The following ALK variants were observed in gnomAD, a reference collection of about 807,000 sequenced individuals.
ALK encodes ALK tyrosine kinase receptor.
Under a neutral mutation model 163.1 loss-of-function variants are expected in ALK, and 74 were observed. The ratio of observed to expected loss-of-function variants is 0.45; its 90% CI spans 0.38 to 0.55. The LOEUF (loss-of-function observed/expected upper bound fraction) is 0.55. Ranked by LOEUF, ALK falls within the 20% of genes least tolerant of loss-of-function variation. The pLI, the probability that ALK is intolerant of heterozygous loss-of-function variation, is 0.00. For missense variants in ALK, 2,063 were observed against 2,105.3 expected (o/e 0.98, Z 0.39); for synonymous variants, 960 against 843.2 (o/e 1.14, Z -2.40).
At chr2:29,507,674 T>C (rs554244375) in intron 4 of ALK, among the ~76,000 whole-genome samples, 1 of 152,324 alleles carries the variant, frequency 6.6e-6, no homozygotes, top group African/African-American at 2.4e-5. Flanking sequence ...GGATAGCACC[T>C]GGGGTTTAGG....
intron 1 of ALK, among the ~76,000 whole-genome samples, chr2:29,835,647 T>C (rs1159661374): frequency 6.6e-6 from 1 of 152,184 alleles, no homozygotes; most frequent in Non-Finnish European, 1.5e-5. Flanking sequence ...TCTTGAATGG[T>C]AGCTCGCATA....
At chr2:29,461,432 G>A (rs11686068) in intron 4 of ALK, among the ~76,000 whole-genome samples, 10,584 of 152,250 alleles carry the variant, frequency 0.07, 513 homozygotes, top group Non-Finnish European at 0.11. Context: ...TAAAAGGACA[G>A]TCTGACTCTT....
intron 3 of ALK, among the ~76,000 whole-genome samples, chr2:29,685,090 C>A (rs1197200725): frequency 4.6e-5 from 7 of 152,190 alleles, no homozygotes; most frequent in Admixed American, 4.6e-4. Flanking sequence ...TCAATTGTGA[C>A]TGTGGCTGGA....
chr2:29,223,076 G>C (rs1669851070), intron 20 of ALK, among the ~76,000 whole-genome samples: 1 of 152,174 alleles, frequency 6.6e-6, no homozygotes, highest in African/African-American at 2.4e-5. Context: ...AGGGGAGCCA[G>C]GTAGACTTGG....
chr2:29,266,429 A>T (rs572677972), intron 11 of ALK, among the ~76,000 whole-genome samples: 15 of 152,382 alleles, frequency 9.8e-5, no homozygotes, highest in Middle Eastern at 3.4e-3. Flanking sequence ...CTGAATATTT[A>T]TAGAAGGCAA....
chr2:29,451,316 A>G (rs73923633), intron 4 of ALK, among the ~76,000 whole-genome samples: 6,089 of 152,186 alleles, frequency 0.04, 349 homozygotes, highest in African/African-American at 0.13. Context: ...ATCTTTCTTA[A>G]GCACAACTTC....
chr2:29,777,838 T>G (rs751451622), intron 1 of ALK, among the ~76,000 whole-genome samples: 7 of 152,224 alleles, frequency 4.6e-5, no homozygotes, highest in Non-Finnish European at 8.8e-5. Flanking sequence ...TAGCTCTGAC[T>G]GCCCAAGCCT....
At chr2:29,366,844 CA>C (rs1392955547) in intron 5 of ALK, among the ~76,000 whole-genome samples, 6 of 152,182 alleles carry the variant, frequency 3.9e-5, no homozygotes, top group Admixed American at 3.9e-4. Flanking sequence ...AGCTGTTTGC[CA>C]TTGACGGAAA....
chr2:29,738,186 T>C (rs1484818940), intron 1 of ALK, among the ~76,000 whole-genome samples: 1 of 152,008 alleles, frequency 6.6e-6, no homozygotes, highest in Non-Finnish European at 1.5e-5. Flanking sequence ...GTTCTTGAAC[T>C]GTAACTAGGT....
chr2:29,428,928 T>C (rs1282819906), intron 4 of ALK, among the ~76,000 whole-genome samples: 2 of 152,032 alleles, frequency 1.3e-5, no homozygotes, highest in African/African-American at 4.8e-5. Flanking sequence ...CCAATTAGGC[T>C]TTATTACAAG....
chr2:29,728,772 A>G (rs1294825813), intron 1 of ALK, among the ~76,000 whole-genome samples: 1 of 152,152 alleles, frequency 6.6e-6, no homozygotes, highest in Non-Finnish European at 1.5e-5. Context: ...CCACCAAGAA[A>G]AGTGAGGCAT....
intron 3 of ALK, among the ~76,000 whole-genome samples, chr2:29,599,359 C>A (rs1376871416): frequency 6.6e-6 from 1 of 152,148 alleles, no homozygotes; most frequent in Non-Finnish European, 1.5e-5. Context: ...AACTAACTGC[C>A]AGGAGTAGGA....
chr2:29,293,204 C>T (rs1666085222), intron 9 of ALK, among the ~76,000 whole-genome samples: 1 of 152,120 alleles, frequency 6.6e-6, no homozygotes, highest in African/African-American at 2.4e-5. Flanking sequence ...TCTGTTTTGT[C>T]GGACACAGGT....
At chr2:29,489,392 T>C (rs1671849469) in intron 4 of ALK, among the ~76,000 whole-genome samples, 1 of 152,134 alleles carries the variant, frequency 6.6e-6, no homozygotes, top group Admixed American at 6.5e-5. Context: ...CTCGACTTCC[T>C]GGGCTCAAGC....
At chr2:29,418,446 A>G (rs935472885) in intron 4 of ALK, among the ~76,000 whole-genome samples, 1 of 152,198 alleles carries the variant, frequency 6.6e-6, no homozygotes, top group Non-Finnish European at 1.5e-5. Context: ...TTATTTTTAA[A>G]ACATTTTTAA....
At chr2:29,296,443 G>A (rs1393598033) in intron 9 of ALK, among the ~76,000 whole-genome samples, 1 of 152,222 alleles carries the variant, frequency 6.6e-6, no homozygotes, top group African/African-American at 2.4e-5. Flanking sequence ...AGTGGTAAAT[G>A]ATGATAAGGC....
In ALK at chr2:29,193,219, C is replaced by T. The variant is rs772461583; in HGVS notation, c.*5G>A. On this transcript the variant is annotated 3_prime_UTR_variant, in exon 29 of 29. Transcript: ENST00000389048. ...CAAGGAAGAGAAGTGAGTGTGCGAC[C>T]GAGCTCAGGGCCCAGGCTGGTTCAT... 9 of 1,613,624 alleles carry T rather than the reference C, an allele frequency of 5.6e-6. No individual in the cohort carries two copies. The highest frequency in any genetic ancestry group is 1.3e-5 in the African/African-American group (1 of 74,912).
At chr2:29,664,100 A>G (rs1677435212) in intron 3 of ALK, among the ~76,000 whole-genome samples, 1 of 152,074 alleles carries the variant, frequency 6.6e-6, no homozygotes, top group African/African-American at 2.4e-5. Context: ...CATTTCTCCT[A>G]CAAACAGCTC....
chr2:29,425,491 C>G (rs1314505362), intron 4 of ALK, among the ~76,000 whole-genome samples: 1 of 152,196 alleles, frequency 6.6e-6, no homozygotes, highest in Non-Finnish European at 1.5e-5. Flanking sequence ...GAGTCTCTAC[C>G]TCAGGCATGT....
Sources: allele counts gnomAD v4.1 joint callset (sites outside exome capture counted in the v4.1 genomes callset), GRCh38; gene constraint gnomAD v4.1.1; transcripts MANE v1.5; gene names NCBI Gene and HGNC (gene_info 2026-07-23, HGNC 2026-07-21).